IL1R2: variants seen among roughly 807,000 people sequenced by gnomAD.
The protein encoded by IL1R2 is interleukin-1 receptor type 2.
IL1R2 carries 46 observed loss-of-function variants against 39.5 expected under a neutral mutation model. The observed-to-expected ratio is 1.16, with a 90% CI of 0.92 to 1.49. IL1R2 has a LOEUF of 1.49. Ranked by LOEUF, IL1R2 falls within the 40% of genes most tolerant of loss-of-function variation. IL1R2 has a pLI of 0.00. For synonymous variants in IL1R2, 207 were observed against 189.6 expected (o/e 1.09, Z -0.75); for missense variants, 537 against 502.0 (o/e 1.07, Z -0.67).
At chr2:102,003,327 TCTGTGTCTGGCTGTGG>T (rs1433048762) in intron 1 of IL1R2, among the ~76,000 whole-genome samples, 1 of 148,698 alleles carries the variant, frequency 6.7e-6, no homozygotes, top group Non-Finnish European at 1.5e-5. Context: ...CATGTCTGTG[TCTGTGTCTGGCTGTGG>T]CTGTGTCTGT....
At chr2:102,024,740 T>C (rs1488076439) in intron 7 of IL1R2, 72 bp downstream of exon 7, 2 of 1,591,566 alleles carry the variant, frequency 1.3e-6, no homozygotes, top group Non-Finnish European at 8.6e-7. Flanking sequence ...GTTATCACTA[T>C]GACCCACATA....
At chr2:102,008,706 T>G in intron 2 of IL1R2, 64 bp downstream of exon 2, 1 of 1,386,192 alleles carries the variant, frequency 7.2e-7, no homozygotes, top group Non-Finnish European at 1.0e-6. Context: ...AAAGATGTTA[T>G]CTAGAGAAGT....
intron 8 of IL1R2, among the ~76,000 whole-genome samples, chr2:102,026,692 A>G (rs552198348): frequency 2.0e-5 from 3 of 152,320 alleles, no homozygotes; most frequent in East Asian, 3.9e-4. Context: ...AAGTCATTAT[A>G]TGACCGGAAA....
chr2:102,003,958 T>C (rs1258769561), intron 1 of IL1R2, among the ~76,000 whole-genome samples: 3 of 151,070 alleles, frequency 2.0e-5, no homozygotes, highest in Non-Finnish European at 4.4e-5. Flanking sequence ...TCTGTGTCTG[T>C]GTCTAGGTCT....
At chr2:102,015,497 CCACTTAA>C (rs1416496950) in intron 3 of IL1R2, among the ~76,000 whole-genome samples, 1 of 152,170 alleles carries the variant, frequency 6.6e-6, no homozygotes, top group East Asian at 1.9e-4. Context: ...ACTTAACTTA[CCACTTAA>C]CACTTAACTT....
chr2:102,023,589 CA>C (rs1677530104), intron 6 of IL1R2: 1 of 152,312 alleles, frequency 6.6e-6, no homozygotes, highest in African/African-American at 2.4e-5. Flanking sequence ...AGACACACCA[CA>C]GGGAGCCATA....
At chr2:101,997,971 T>A (rs1290444442) in intron 1 of IL1R2, among the ~76,000 whole-genome samples, 1 of 152,192 alleles carries the variant, frequency 6.6e-6, no homozygotes, top group Non-Finnish European at 1.5e-5. Context: ...GAACTTCCCC[T>A]GCATCATATT....
Position 102,028,237 on chromosome 2 carries a change from T to G in IL1R2, c.1042T>G (p.Phe348Val). ...TGTTCTTCCCACAGCCTCCTCCACG[T>G]TCTCCTGGGGCATTGTGCTGGCCCC... ...RTTVKEASST[F>V]SWGIVLAPLS... The change falls in exon 9 of 9, where the codon TTC becomes GTC. Residue 348 changes from phenylalanine to valine, a missense_variant. By Grantham distance (50) the Phe-to-Val change is conservative (BLOSUM62 -1). Transcript: ENST00000332549. 1 of 1,608,800 alleles carries G rather than the reference T, an allele frequency of 6.2e-7. No homozygotes were observed. The highest frequency in any genetic ancestry group is 8.5e-7 in the Non-Finnish European group (1 of 1,177,364).
chr2:101,999,925 C>T (rs997168165), intron 1 of IL1R2, among the ~76,000 whole-genome samples: 1 of 152,098 alleles, frequency 6.6e-6, no homozygotes, highest in African/African-American at 2.4e-5. Context: ...CTTATATGTT[C>T]TATAATATGG....
intron 3 of IL1R2, among the ~76,000 whole-genome samples, chr2:102,013,557 AGAAAGAAAAGAAAAGAAGGAAAAG>A (rs1676787523): frequency 7.6e-6 from 1 of 131,744 alleles, no homozygotes; most frequent in Non-Finnish European, 1.6e-5. Flanking sequence ...AAAAAAGGAA[AGAAAGAAAAGAAAAGAAGGAAAAG>A]AAAAAGAAAA....
At position 102,008,255 on chromosome 2, in the gene IL1R2, T is replaced by G. The variant is rs147165451; in HGVS notation, c.-61-260T>G. Among the ~76,000 whole-genome samples the G allele has an allele frequency of 1.5e-3, 223 of 152,352 alleles. 7 individuals are homozygous for G. In the East Asian group the frequency reaches 0.032, roughly 22 times the overall value. On this transcript the variant is annotated intron_variant, in intron 1 of 8. Coordinates refer to ENST00000332549, the MANE Select transcript of IL1R2 (RefSeq NM_004633.4). ...CGCAGGAATGGCTAAGGGAGGTCTCTGCAGAGACAGCAGCTTATGGGGCAG... is the reference window on the plus strand; with the variant it reads ...CGCAGGAATGGCTAAGGGAGGTCTCGGCAGAGACAGCAGCTTATGGGGCAG...
intron 6 of IL1R2, 29 bp downstream of exon 6, chr2:102,022,278 C>A: frequency 6.3e-7 from 1 of 1,585,668 alleles, no homozygotes; most frequent in Non-Finnish European, 8.7e-7. Context: ...ATGCATTCCA[C>A]GCACCTGTGG....
At chr2:102,000,670 C>A (rs1311159366) in intron 1 of IL1R2, among the ~76,000 whole-genome samples, 2 of 152,256 alleles carry the variant, frequency 1.3e-5, no homozygotes, top group East Asian at 3.9e-4. Flanking sequence ...CTTCTGGAGG[C>A]CCCTCTAGCT....
At chr2:102,019,882 T>A in intron 5 of IL1R2, 70 bp downstream of exon 5, 1 of 1,345,986 alleles carries the variant, frequency 7.4e-7, no homozygotes, top group Non-Finnish European at 1.0e-6. Context: ...CAAATGACGG[T>A]GCACGTAGAA....
chr2:102,015,382 A>C (rs141816823), intron 3 of IL1R2, among the ~76,000 whole-genome samples: 1 of 152,330 alleles, frequency 6.6e-6, no homozygotes, highest in Non-Finnish European at 1.5e-5. Context: ...TTGCCCCCCA[A>C]GTGTTCGAAA....
chr2:102,013,364 C>T (rs1485336333), intron 3 of IL1R2, among the ~76,000 whole-genome samples: 1 of 151,464 alleles, frequency 6.6e-6, no homozygotes, highest in Non-Finnish European at 1.5e-5. Flanking sequence ...CAAGAGACTG[C>T]CCTGTTCTCA....
chr2:102,012,951 T>G (rs1235423816), intron 3 of IL1R2, among the ~76,000 whole-genome samples: 2 of 152,216 alleles, frequency 1.3e-5, no homozygotes, highest in Admixed American at 6.5e-5. Flanking sequence ...TTAGTTTTCC[T>G]GTAAAGAAGT....
intron 2 of IL1R2, 79 bp from the exon 3 acceptor site, chr2:102,009,483 C>T: frequency 1.4e-6 from 2 of 1,446,638 alleles, no homozygotes; most frequent in Non-Finnish European, 1.9e-6. Context: ...GAATCAGGAT[C>T]AGTCCCAGGT....
rs377408666 is a variant in IL1R2 at position 102,010,938 on chromosome 2, G to A, written c.332+1112G>A. Reference sequence around the variant, plus strand: ...TCAGGCAACCACCACTGTACTTTCCGACTCTATGATTTTGACGACTCTAGG... The same window carrying A: ...TCAGGCAACCACCACTGTACTTTCCAACTCTATGATTTTGACGACTCTAGG... On this transcript the variant is annotated intron_variant, in intron 3 of 8. Coordinates refer to ENST00000332549, the MANE Select transcript of IL1R2 (RefSeq NM_004633.4). 5.3e-5 allele frequency among the ~76,000 whole-genome samples: 8 copies of A among 152,104 alleles called. No individual in the cohort carries two copies. The East Asian group carries it at 1.5e-3, about 29-fold the overall frequency.
Sources: gnomAD v4.1 joint callset for allele counts (sites outside exome capture counted in the v4.1 genomes callset) on GRCh38, gnomAD v4.1.1 for gene constraint, MANE v1.5 for transcripts, NCBI Gene and HGNC (gene_info 2026-07-23, HGNC 2026-07-21) for gene names.